ALK: variants seen among roughly 807,000 people sequenced by gnomAD.
ALK encodes ALK receptor tyrosine kinase.
In ALK, 74 loss-of-function variants were observed where a neutral mutation model predicts 163.1. That is an observed-to-expected ratio of 0.45 (90% CI 0.38 to 0.55). The LOEUF (loss-of-function observed/expected upper bound fraction) is 0.55, where lower values mean the gene tolerates loss of function less well. Among genes scored for constraint, ALK ranks in the 20% least tolerant of loss-of-function variants. ALK has a pLI of 0.00. For synonymous variants in ALK, 960 were observed against 843.2 expected (o/e 1.14, Z -2.40); for missense variants, 2,063 against 2,105.3 (o/e 0.98, Z 0.39).
At chr2:29,483,452 G>A (rs1174908547) in intron 4 of ALK, among the ~76,000 whole-genome samples, 1 of 152,104 alleles carries the variant, frequency 6.6e-6, no homozygotes, top group East Asian at 1.9e-4. Flanking sequence ...TATCTCCTGG[G>A]AGCTTTTTAG....
chr2:29,911,403 G>A (rs12999448), intron 1 of ALK, among the ~76,000 whole-genome samples: 134,916 of 152,234 alleles, frequency 0.89, 59,887 homozygotes, highest in East Asian at 1. Context: ...CAGTCCAAAG[G>A]GTATGGAGGG....
chr2:29,383,320 A>AC (rs1204822265), intron 5 of ALK, among the ~76,000 whole-genome samples: 1 of 149,544 alleles, frequency 6.7e-6, no homozygotes, highest in Non-Finnish European at 1.5e-5. Flanking sequence ...AACACTCTAG[A>AC]CTTTTTTTTT....
intron 4 of ALK, among the ~76,000 whole-genome samples, chr2:29,386,611 C>T (rs1450221818): frequency 2.0e-5 from 3 of 152,210 alleles, no homozygotes; most frequent in Admixed American, 1.3e-4. Flanking sequence ...AGGTACACAG[C>T]GGCCCTTGAC....
At position 29,251,294 on chromosome 2, in the gene ALK, C is replaced by T. The variant is rs201748295; in HGVS notation, c.2042-27G>A. 3.9e-5 allele frequency: 62 copies of T among 1,607,718 alleles called. No homozygotes were observed. The East Asian group carries it at 1.4e-3, about 35-fold the overall frequency. On this transcript the variant is annotated intron_variant, in intron 11 of 28. Coordinates refer to ENST00000389048, the MANE Select transcript of ALK (RefSeq NM_004304.5). The stretch of plus-strand genomic sequence containing the variant: ...TGTGGCACAAGAGGAGAGGCAGTCA[C>T]TCATGTGGCCAGGCCCTCCCTCCTC...
chr2:29,730,695 A>G (rs983922406), intron 1 of ALK, among the ~76,000 whole-genome samples: 2 of 152,234 alleles, frequency 1.3e-5, no homozygotes, highest in East Asian at 3.8e-4. Context: ...AATAATATTT[A>G]TATGATCCAC....
chr2:29,897,236 C>T (rs1337829352), intron 1 of ALK, among the ~76,000 whole-genome samples: 2 of 151,930 alleles, frequency 1.3e-5, no homozygotes, highest in African/African-American at 2.4e-5. Flanking sequence ...AGGAGAACCA[C>T]CTGAGGTTGC....
At chr2:29,529,072 T>C (rs897116110) in intron 4 of ALK, among the ~76,000 whole-genome samples, 2 of 152,168 alleles carry the variant, frequency 1.3e-5, no homozygotes, top group African/African-American at 4.8e-5. Context: ...GCTGTGCTTC[T>C]CCAACTGCCT....
chr2:29,452,109 A>G (rs770337022), intron 4 of ALK, among the ~76,000 whole-genome samples: 2 of 152,160 alleles, frequency 1.3e-5, no homozygotes, highest in African/African-American at 2.4e-5. Flanking sequence ...TGTGCTTCGA[A>G]AACGTCCCCA....
intron 3 of ALK, among the ~76,000 whole-genome samples, chr2:29,611,765 G>A (rs375947998): frequency 4.6e-5 from 7 of 152,092 alleles, no homozygotes; most frequent in South Asian, 4.2e-4. Flanking sequence ...TTCCCCCTTC[G>A]CTCTATCTCT....
At chr2:29,842,867 GTGGGA>G (rs960054954) in intron 1 of ALK, among the ~76,000 whole-genome samples, 41 of 152,178 alleles carry the variant, frequency 2.7e-4, no homozygotes, top group African/African-American at 9.7e-4. Flanking sequence ...TGAGTTGCAG[GTGGGA>G]AACTATAGGC....
chr2:29,216,994 GGTGT>G (rs540838127), intron 23 of ALK, among the ~76,000 whole-genome samples: 2 of 144,618 alleles, frequency 1.4e-5, no homozygotes, highest in East Asian at 2.1e-4. Flanking sequence ...TGGCATGTGA[GGTGT>G]GTGTGGTGTG....
intron 25 of ALK, among the ~76,000 whole-genome samples, chr2:29,209,229 G>C (rs1222066818): frequency 6.6e-6 from 1 of 152,112 alleles, no homozygotes; most frequent in Non-Finnish European, 1.5e-5. Context: ...AGTTGGAACC[G>C]ATGGACAACC....
intron 3 of ALK, among the ~76,000 whole-genome samples, chr2:29,649,180 G>T (rs1375223941): frequency 6.6e-6 from 1 of 151,438 alleles, no homozygotes; most frequent in Non-Finnish European, 1.5e-5. Context: ...ACTTTCTGAG[G>T]TTACAATGTG....
intron 1 of ALK, among the ~76,000 whole-genome samples, chr2:29,728,717 A>G (rs969440690): frequency 6.6e-6 from 1 of 152,178 alleles, no homozygotes; most frequent in Non-Finnish European, 1.5e-5. Context: ...GGCAGGGTCT[A>G]TTCCAACTCA....
chr2:29,438,291 T>C (rs4560068), intron 4 of ALK, among the ~76,000 whole-genome samples: 125,933 of 152,218 alleles, frequency 0.83, 53,277 homozygotes, highest in Non-Finnish European at 0.93. Flanking sequence ...TCAAACATCT[T>C]ATAAGTATTA....
At chr2:29,750,685 A>AAGGCAGGCAGGCAGGC (rs1680335870) in intron 1 of ALK, among the ~76,000 whole-genome samples, 2 of 122,758 alleles carry the variant, frequency 1.6e-5, no homozygotes, top group African/African-American at 8.0e-5. Flanking sequence ...GGAAGGAAGG[A>AAGGCAGGCAGGCAGGC]AGGAAGGAAG....
At chr2:29,385,840 A>T (rs1669019560) in intron 4 of ALK, among the ~76,000 whole-genome samples, 1 of 152,210 alleles carries the variant, frequency 6.6e-6, no homozygotes, top group Non-Finnish European at 1.5e-5. Flanking sequence ...TGACCTGTGC[A>T]TTGCTTCTGA....
At chr2:29,384,723 GATT>G (rs1193892790) in intron 4 of ALK, among the ~76,000 whole-genome samples, 2 of 151,964 alleles carry the variant, frequency 1.3e-5, no homozygotes, top group Non-Finnish European at 2.9e-5. Flanking sequence ...AAATTACCTA[GATT>G]ATTTGATATT....
intron 5 of ALK, among the ~76,000 whole-genome samples, chr2:29,376,437 T>C (rs1217781294): frequency 6.6e-6 from 1 of 152,230 alleles, no homozygotes; most frequent in Admixed American, 6.5e-5. Context: ...AAGAGTTCTA[T>C]GTGAAGTAGA....
Sources: allele counts gnomAD v4.1 joint callset (sites outside exome capture counted in the v4.1 genomes callset), GRCh38; gene constraint gnomAD v4.1.1; transcripts MANE v1.5; gene names NCBI Gene and HGNC (gene_info 2026-07-23, HGNC 2026-07-21).